Variants in OSBPL8 observed in about 807,000 individuals in gnomAD.
OSBPL8 encodes the protein oxysterol binding protein like 8.
A neutral mutation model predicts 125.5 loss-of-function variants in OSBPL8; 59 were observed. That is an observed-to-expected ratio of 0.47 (90% CI 0.38 to 0.58). The LOEUF (loss-of-function observed/expected upper bound fraction) is 0.58, where lower values mean the gene tolerates loss of function less well. OSBPL8 is among the 20% of genes least tolerant of loss of function. The pLI is 0.00. For synonymous variants in OSBPL8, 330 were observed against 338.9 expected (o/e 0.97, Z 0.29); for missense variants, 758 against 1,047.8 (o/e 0.72, Z 3.82).
At chr12:76,395,938 T>A (rs1645068632) in intron 8 of OSBPL8, among the ~76,000 whole-genome samples, 1 of 151,634 alleles carries the variant, frequency 6.6e-6, no homozygotes, top group South Asian at 2.1e-4. Flanking sequence ...GACATTAAAA[T>A]CATTAATGGC....
At chr12:76,432,111 A>T (rs1285038812) in intron 4 of OSBPL8, among the ~76,000 whole-genome samples, 2 of 152,246 alleles carry the variant, frequency 1.3e-5, no homozygotes, top group Admixed American at 1.3e-4. Flanking sequence ...AACAGTAAGA[A>T]AACAGAAAAA....
chr12:76,356,731 A>T lies in OSBPL8; in HGVS notation c.2435-3T>A. On this transcript the variant is annotated splice_polypyrimidine_tract_variant and splice_region_variant and intron_variant, in intron 22 of 23. Coordinates refer to ENST00000261183, the MANE Select transcript of OSBPL8 (RefSeq NM_020841.5). ...TGTACTTGGTTTTACTGATTGAGCT[A>T]AAAAGACATTTAGAATGAAGTTGAA... 1 of 1,561,334 alleles carries T rather than the reference A, an allele frequency of 6.4e-7. No homozygotes were observed.
rs150588208 is a variant in OSBPL8 at position 76,553,864 on chromosome 12, C to A, written c.-68+5533G>T. 1.2e-3 allele frequency among the ~76,000 whole-genome samples: 178 copies of A among 150,238 alleles called. 1 individual carries two copies. The East Asian group carries it at 0.028, about 24-fold the overall frequency. Reference sequence around the variant, plus strand: ...TGGTGGCATGCACCCGTAATCCCAGCTACTCAGGAGGCTCAGGCATGAGAA... The same window carrying A: ...TGGTGGCATGCACCCGTAATCCCAGATACTCAGGAGGCTCAGGCATGAGAA... On this transcript the variant is annotated intron_variant, in intron 1 of 23. Coordinates refer to ENST00000261183, the MANE Select transcript of OSBPL8 (RefSeq NM_020841.5).
chr12:76,517,127 T>C (rs923163491), intron 1 of OSBPL8, among the ~76,000 whole-genome samples: 2 of 152,226 alleles, frequency 1.3e-5, no homozygotes, highest in African/African-American at 4.8e-5. Context: ...GTTCCATTTC[T>C]TGATCTCATG....
At chr12:76,370,236 G>C (rs975206610) in intron 19 of OSBPL8, among the ~76,000 whole-genome samples, 6 of 152,130 alleles carry the variant, frequency 3.9e-5, no homozygotes, top group African/African-American at 1.4e-4. Flanking sequence ...CAGTGCTTCT[G>C]AAGTTTGGAT....
Position 76,358,689 on chromosome 12 carries a change from G to C in OSBPL8, c.2434+17C>G. On this transcript the variant is annotated intron_variant, in intron 22 of 23. Transcript: ENST00000261183. ...TAAAAAGTTAGACTCTCATTAGTCT[G>C]CAATAAATATTTTTACCTTCACTTC... 1.3e-6 allele frequency: 2 copies of C among 1,560,366 alleles called. No individual in the cohort carries two copies. The highest frequency in any genetic ancestry group is 1.8e-6 in the Non-Finnish European group (2 of 1,131,442).
At chr12:76,436,915 G>A (rs1871528424) in intron 4 of OSBPL8, among the ~76,000 whole-genome samples, 1 of 151,792 alleles carries the variant, frequency 6.6e-6, no homozygotes, top group Non-Finnish European at 1.5e-5. Flanking sequence ...ATAATGCATT[G>A]GTAAGTTTTA....
intron 1 of OSBPL8, among the ~76,000 whole-genome samples, chr12:76,510,501 A>C (rs961428973): frequency 2.6e-5 from 4 of 152,178 alleles, no homozygotes; most frequent in African/African-American, 9.7e-5. Context: ...ACCATTCATA[A>C]AATTTACAGT....
intron 18 of OSBPL8, 120 bp downstream of exon 18, chr12:76,373,224 T>A: frequency 1.7e-6 from 1 of 579,200 alleles, no homozygotes. Flanking sequence ...GCTATTAAGA[T>A]GAAGCTTATG....
intron 1 of OSBPL8, among the ~76,000 whole-genome samples, chr12:76,555,853 T>C (rs1951078615): frequency 6.6e-6 from 1 of 152,160 alleles, no homozygotes; most frequent in African/African-American, 2.4e-5. Flanking sequence ...AAAATAGAGA[T>C]GGGAGAATAA....
intron 1 of OSBPL8, among the ~76,000 whole-genome samples, chr12:76,524,973 T>G (rs1318221398): frequency 6.6e-6 from 1 of 152,138 alleles, no homozygotes; most frequent in Non-Finnish European, 1.5e-5. Flanking sequence ...CGTGAGCCAC[T>G]GCGCCCAGCC....
chr12:76,477,237 T>C (rs1006508077), intron 2 of OSBPL8, among the ~76,000 whole-genome samples: 5 of 152,220 alleles, frequency 3.3e-5, no homozygotes, highest in Admixed American at 1.3e-4. Flanking sequence ...TTAGAAACTG[T>C]TGAAGACTCC....
chr12:76,499,575 G>C (rs1298418949), intron 1 of OSBPL8, among the ~76,000 whole-genome samples: 1 of 152,058 alleles, frequency 6.6e-6, no homozygotes, highest in Non-Finnish European at 1.5e-5. Context: ...TGTCAGCCAG[G>C]TACAGTAGCT....
chr12:76,516,817 CT>C (rs71668730), intron 1 of OSBPL8, among the ~76,000 whole-genome samples: 27,709 of 130,548 alleles, frequency 0.21, 2,564 homozygotes, highest in Non-Finnish European at 0.26. Flanking sequence ...CTTTTCTTTT[CT>C]TTTTTTTTTT....
intron 5 of OSBPL8, among the ~76,000 whole-genome samples, chr12:76,406,463 G>A (rs1399233933): frequency 6.6e-6 from 1 of 152,138 alleles, no homozygotes; most frequent in Admixed American, 6.5e-5. Flanking sequence ...TATCCCACTA[G>A]ACACATTAGT....
chr12:76,470,223 C>T (rs144665070), intron 2 of OSBPL8, among the ~76,000 whole-genome samples: 15 of 152,260 alleles, frequency 9.9e-5, no homozygotes, highest in Admixed American at 2.0e-4. Context: ...AGACTGCTGG[C>T]GGACTCTGTG....
chr12:76,404,031 C>T (rs1000755380), intron 5 of OSBPL8, among the ~76,000 whole-genome samples: 1 of 152,302 alleles, frequency 6.6e-6, no homozygotes, highest in Non-Finnish European at 1.5e-5. Flanking sequence ...ATGGTATTAA[C>T]TGGCTGAACC....
At chr12:76,493,530 C>A (rs777804616) in intron 1 of OSBPL8, among the ~76,000 whole-genome samples, 14 of 152,134 alleles carry the variant, frequency 9.2e-5, no homozygotes, top group South Asian at 2.1e-4. Context: ...TCTTTCAGCA[C>A]TTTAAATAAA....
At chr12:76,484,442 A>G (rs778380783) in intron 2 of OSBPL8, among the ~76,000 whole-genome samples, 1 of 152,238 alleles carries the variant, frequency 6.6e-6, no homozygotes, top group Admixed American at 6.5e-5. Context: ...AAGGCTTAAT[A>G]TTAATAGTTA....
Sources: gnomAD v4.1 joint callset for allele counts (sites outside exome capture counted in the v4.1 genomes callset) on GRCh38, gnomAD v4.1.1 for gene constraint, MANE v1.5 for transcripts, NCBI Gene and HGNC (gene_info 2026-07-23, HGNC 2026-07-21) for gene names.